CDYL2: variants seen among roughly 807,000 people sequenced by gnomAD.
CDYL2 encodes chromodomain Y like 2, also known as chromodomain Y-like protein 2.
Under a neutral mutation model 49.4 loss-of-function variants are expected in CDYL2, and 23 were observed. That is an observed-to-expected ratio of 0.47 (90% CI 0.34 to 0.66). The LOEUF (loss-of-function observed/expected upper bound fraction) is 0.66, where lower values mean the gene tolerates loss of function less well. Ranked by LOEUF, CDYL2 falls within the 30% of genes least tolerant of loss-of-function variation. The probability of loss-of-function intolerance (pLI) is 0.01; values close to 1 mark genes in which losing one functional copy is unlikely to be tolerated. For synonymous variants in CDYL2, 360 were observed against 268.8 expected (o/e 1.34, Z -3.32); for missense variants, 678 against 656.4 (o/e 1.03, Z -0.36).
At chr16:80,674,164 TCGATTTCCCACATGGGAGCCTGGGTTCA>T (rs1177328361) in intron 2 of CDYL2, among the ~76,000 whole-genome samples, 2 of 152,166 alleles carry the variant, frequency 1.3e-5, no homozygotes, top group Admixed American at 1.3e-4. Context: ...TAAGAGTACC[TCGATTTCCCACATGGGAGCCTGGGTTCA>T]CGAGTGGGCA....
chr16:80,690,591 T>C (rs1488575541), intron 1 of CDYL2, among the ~76,000 whole-genome samples: 1 of 152,208 alleles, frequency 6.6e-6, no homozygotes, highest in African/African-American at 2.4e-5. Context: ...GTCTAATGCA[T>C]CTTGGCTCCA....
intron 2 of CDYL2, among the ~76,000 whole-genome samples, chr16:80,664,386 A>G (rs1472645578): frequency 6.6e-6 from 1 of 152,040 alleles, no homozygotes; most frequent in African/African-American, 2.4e-5. Context: ...TTCCTCCCCA[A>G]GCGCCGGGAA....
At chr16:80,761,916 C>T (rs1054861293) in intron 1 of CDYL2, among the ~76,000 whole-genome samples, 7 of 147,018 alleles carry the variant, frequency 4.8e-5, no homozygotes, top group Admixed American at 1.4e-4. Context: ...TGGCCAGGCA[C>T]GGTGGTGCAC....
chr16:80,771,237 A>G (rs1259940965), intron 1 of CDYL2, among the ~76,000 whole-genome samples: 6 of 152,116 alleles, frequency 3.9e-5, no homozygotes, highest in African/African-American at 1.2e-4. Flanking sequence ...TCCAAATGCA[A>G]TGTCAAGTAT....
chr16:80,757,224 C>T (rs142794198), intron 1 of CDYL2, among the ~76,000 whole-genome samples: 251 of 152,194 alleles, frequency 1.6e-3, no homozygotes, highest in Non-Finnish European at 1.2e-3. Context: ...GAGTCACAAA[C>T]ATAGCAGGCT....
chr16:80,784,745 A>G (rs1030410942), intron 1 of CDYL2, among the ~76,000 whole-genome samples: 2 of 152,324 alleles, frequency 1.3e-5, no homozygotes, highest in South Asian at 2.1e-4. Flanking sequence ...CTTCAAGTAC[A>G]TAGTCCTTAA....
At chr16:80,650,683 G>C (rs1235478665) in intron 2 of CDYL2, among the ~76,000 whole-genome samples, 1 of 152,170 alleles carries the variant, frequency 6.6e-6, no homozygotes, top group African/African-American at 2.4e-5. Flanking sequence ...GTTTGTTGTA[G>C]CACTGTTCAT....
At chr16:80,670,789 G>A (rs1436707447) in intron 2 of CDYL2, among the ~76,000 whole-genome samples, 1 of 152,142 alleles carries the variant, frequency 6.6e-6, no homozygotes, top group African/African-American at 2.4e-5. Context: ...GTGAATCGAG[G>A]CCTCGAGGCT....
intron 1 of CDYL2, among the ~76,000 whole-genome samples, chr16:80,712,191 G>A (rs9673766): frequency 0.44 from 47,337 of 107,012 alleles, 12,233 homozygotes; most frequent in African/African-American, 0.7. Flanking sequence ...GTCTGTGTGT[G>A]TATATATATA....
intron 2 of CDYL2, among the ~76,000 whole-genome samples, chr16:80,674,214 T>C (rs916676681): frequency 6.6e-6 from 1 of 152,190 alleles, no homozygotes; most frequent in African/African-American, 2.4e-5. Context: ...TGTGGTTCCA[T>C]TCCAGCTCCA....
chr16:80,607,979 C>T, intron 6 of CDYL2, 113 bp downstream of exon 6: 2 of 1,287,610 alleles, frequency 1.6e-6, no homozygotes, highest in Non-Finnish European at 1.0e-6. Context: ...GGGTCTTTTG[C>T]TTATTCCCTG....
At chr16:80,676,091 G>C (rs1909732240) in intron 2 of CDYL2, among the ~76,000 whole-genome samples, 2 of 152,126 alleles carry the variant, frequency 1.3e-5, no homozygotes, top group Admixed American at 6.5e-5. Context: ...GTTGCTCCTG[G>C]TTAAAGAGTC....
At chr16:80,737,145 C>G (rs1267169970) in intron 1 of CDYL2, among the ~76,000 whole-genome samples, 1 of 152,184 alleles carries the variant, frequency 6.6e-6, no homozygotes, top group Non-Finnish European at 1.5e-5. Context: ...CCTCACAAAT[C>G]TATCCATGCC....
chr16:80,685,951 G>C (rs1910172508), intron 1 of CDYL2, among the ~76,000 whole-genome samples: 1 of 152,184 alleles, frequency 6.6e-6, no homozygotes, highest in African/African-American at 2.4e-5. Context: ...CTGCAACACA[G>C]AGGCACAGCT....
intron 3 of CDYL2, among the ~76,000 whole-genome samples, chr16:80,629,476 G>A (rs1212539178): frequency 2.0e-5 from 3 of 152,240 alleles, no homozygotes; most frequent in African/African-American, 7.2e-5. Context: ...GTTCCTGAGA[G>A]TAGTGGTAGG....
intron 1 of CDYL2, among the ~76,000 whole-genome samples, chr16:80,799,490 T>C (rs1597139176): frequency 6.6e-6 from 1 of 152,328 alleles, no homozygotes; most frequent in East Asian, 1.9e-4. Flanking sequence ...AAATGAATGA[T>C]GGTGCTATGA....
rs117431369 is a variant in CDYL2 at position 80,635,097 on chromosome 16, A to G, written c.617-1861T>C. 5.9e-4 allele frequency among the ~76,000 whole-genome samples: 90 copies of G among 152,356 alleles called. 1 individual carries two copies. In the East Asian group the frequency reaches 0.014, roughly 23 times the overall value. On this transcript the variant is annotated intron_variant, in intron 2 of 6. Transcript: ENST00000570137. Reference sequence around the variant, plus strand: ...ATCTTCAGCAAAATATTAGCACATCAATGTATAAAGGGAATTATACGCCAC... The same window carrying G: ...ATCTTCAGCAAAATATTAGCACATCGATGTATAAAGGGAATTATACGCCAC...
chr16:80,677,520 C>T (rs1037547420), intron 2 of CDYL2, among the ~76,000 whole-genome samples: 11 of 152,018 alleles, frequency 7.2e-5, no homozygotes, highest in Admixed American at 3.3e-4. Context: ...GGGCGGACCA[C>T]GAGGTCAGGA....
At chr16:80,671,993 G>A (rs1408290121) in intron 2 of CDYL2, among the ~76,000 whole-genome samples, 1 of 152,142 alleles carries the variant, frequency 6.6e-6, no homozygotes, top group Non-Finnish European at 1.5e-5. Flanking sequence ...AAATGTGTGG[G>A]ATCACAAGTG....
Sources: allele counts gnomAD v4.1 joint callset (sites outside exome capture counted in the v4.1 genomes callset), GRCh38; gene constraint gnomAD v4.1.1; transcripts MANE v1.5; gene names NCBI Gene and HGNC (gene_info 2026-07-23, HGNC 2026-07-21).